RTN4RL1: variants seen among roughly 807,000 people sequenced by gnomAD.
RTN4RL1 encodes the protein reticulon-4 receptor-like 1.
RTN4RL1 carries 7 observed loss-of-function variants against 25.6 expected under a neutral mutation model. The ratio of observed to expected loss-of-function variants is 0.27; its 90% confidence interval spans 0.16 to 0.51. The LOEUF (loss-of-function observed/expected upper bound fraction) is 0.51. Ranked by LOEUF, RTN4RL1 falls within the 20% of genes least tolerant of loss-of-function variation. RTN4RL1 has a pLI of 0.97. For missense variants in RTN4RL1, 500 were observed against 615.6 expected, an observed-to-expected ratio of 0.81 and a Z score of 1.99; for synonymous variants, 297 against 288.2, an observed-to-expected ratio of 1.03 and a Z score of -0.31.
At chr17:1,957,891 G>C (rs1174347666) in intron 1 of RTN4RL1, among the ~76,000 whole-genome samples, 1 of 124,992 alleles carries the variant, frequency 8.0e-6, no homozygotes. Context: ...CAAACAAAGT[G>C]AGATGGTGGG....
chr17:1,987,781 C>T (rs928094837), intron 1 of RTN4RL1, among the ~76,000 whole-genome samples: 4 of 151,570 alleles, frequency 2.6e-5, no homozygotes, highest in South Asian at 2.1e-4. Context: ...ACTTTCCACA[C>T]ATTATCCCAC....
chr17:1,976,838 A>T (rs2066844536), intron 1 of RTN4RL1, among the ~76,000 whole-genome samples: 1 of 152,192 alleles, frequency 6.6e-6, no homozygotes, highest in Non-Finnish European at 1.5e-5. Context: ...CTTGTCATTT[A>T]GTGGCTATTT....
At chr17:1,951,782 A>G (rs879511793) in intron 1 of RTN4RL1, among the ~76,000 whole-genome samples, 22 of 152,142 alleles carry the variant, frequency 1.4e-4, no homozygotes, top group Admixed American at 4.6e-4. Flanking sequence ...AGGAAGAGGG[A>G]TAATCAACTG....
At chr17:1,975,768 C>A (rs2066840272) in intron 1 of RTN4RL1, among the ~76,000 whole-genome samples, 1 of 152,212 alleles carries the variant, frequency 6.6e-6, no homozygotes, top group Non-Finnish European at 1.5e-5. Context: ...CTGAACCCTG[C>A]ACCATTTGCA....
chr17:1,948,195 C>T (rs1361429225), intron 1 of RTN4RL1, among the ~76,000 whole-genome samples: 3 of 152,228 alleles, frequency 2.0e-5, no homozygotes, highest in Non-Finnish European at 2.9e-5. Flanking sequence ...GCGCACTGAC[C>T]TCTCTACTGG....
intron 1 of RTN4RL1, among the ~76,000 whole-genome samples, chr17:1,975,685 G>C (rs764356901): frequency 3.9e-5 from 6 of 152,010 alleles, no homozygotes; most frequent in African/African-American, 7.2e-5. Flanking sequence ...AAAATAGAAA[G>C]CTTTGGTGGA....
chr17:1,969,467 T>C (rs566841429), intron 1 of RTN4RL1, among the ~76,000 whole-genome samples: 1 of 152,154 alleles, frequency 6.6e-6, no homozygotes, highest in African/African-American at 2.4e-5. Flanking sequence ...TCCCCACTTC[T>C]AACTTCAGAC....
intron 1 of RTN4RL1, among the ~76,000 whole-genome samples, chr17:1,985,155 A>C (rs1405190545): frequency 1.3e-5 from 2 of 152,182 alleles, no homozygotes; most frequent in African/African-American, 4.8e-5. Context: ...ACTTCCAGGA[A>C]GGTGTTTGGC....
chr17:2,015,490 T>C (rs1011847898), intron 1 of RTN4RL1, among the ~76,000 whole-genome samples: 25 of 151,830 alleles, frequency 1.6e-4, no homozygotes, highest in East Asian at 2.0e-4. Context: ...AGGTGCCACA[T>C]TGGAGAGGTG....
chr17:2,020,616 C>T (rs1474992046), intron 1 of RTN4RL1: 3 of 152,174 alleles, frequency 2.0e-5, no homozygotes, highest in East Asian at 3.8e-4. Context: ...ATCTAGCTCT[C>T]GCTGAATTAT....
At chr17:2,006,609 C>T (rs893004497) in intron 1 of RTN4RL1, among the ~76,000 whole-genome samples, 1 of 147,210 alleles carries the variant, frequency 6.8e-6, no homozygotes, top group Non-Finnish European at 1.5e-5. Flanking sequence ...TGAGCCACCA[C>T]GCCTGGCCAA....
intron 1 of RTN4RL1, among the ~76,000 whole-genome samples, chr17:1,961,246 A>G (rs1403687116): frequency 2.6e-5 from 4 of 152,198 alleles, no homozygotes; most frequent in East Asian, 1.9e-4. Flanking sequence ...AGGAGTAACC[A>G]GGAAAAGTCA....
intron 1 of RTN4RL1, among the ~76,000 whole-genome samples, chr17:2,007,337 A>AAC (rs34669886): frequency 0.039 from 5,460 of 140,204 alleles, 114 homozygotes; most frequent in African/African-American, 0.053. Context: ...TCACAGCCCC[A>AAC]ACACACACAC....
At position 1,979,771 on chromosome 17, in the gene RTN4RL1, T is replaced by G. The variant is rs530135987; in HGVS notation, c.14-41963A>C. Among the ~76,000 whole-genome samples the G allele has an allele frequency of 4.6e-5, 7 of 152,312 alleles. No homozygotes were observed. The South Asian group carries it at 1.0e-3, about 23-fold the overall frequency. ...CAGCCAAGTCCAGCCCTTTGCCCAG[T>G]AGGGTGGCCCTTCTCTTTGGAGAGC... On this transcript the variant is annotated intron_variant, in intron 1 of 1. Transcript: ENST00000331238.
At chr17:1,954,900 G>A (rs1377284672) in intron 1 of RTN4RL1, among the ~76,000 whole-genome samples, 1 of 152,190 alleles carries the variant, frequency 6.6e-6, no homozygotes, top group Non-Finnish European at 1.5e-5. Context: ...GACGACCCCA[G>A]GGTAGGTAAC....
chr17:2,008,399 T>C (rs544400534), intron 1 of RTN4RL1, among the ~76,000 whole-genome samples: 242 of 152,182 alleles, frequency 1.6e-3, no homozygotes, highest in African/African-American at 5.7e-3. Flanking sequence ...ATACTGTTAA[T>C]TAAACGAGAC....
chr17:1,964,097 G>T (rs1323793390), intron 1 of RTN4RL1, among the ~76,000 whole-genome samples: 1 of 152,144 alleles, frequency 6.6e-6, no homozygotes, highest in Admixed American at 6.6e-5. Context: ...GCGTTCTGGG[G>T]TCTCAAGCCT....
intron 1 of RTN4RL1, among the ~76,000 whole-genome samples, chr17:1,942,029 C>T (rs1915448235): frequency 6.6e-6 from 1 of 152,160 alleles, no homozygotes; most frequent in Admixed American, 6.5e-5. Context: ...AGGGATCAGA[C>T]TCTCTCCGGA....
At chr17:1,951,968 A>C (rs1397343027) in intron 1 of RTN4RL1, among the ~76,000 whole-genome samples, 1 of 152,150 alleles carries the variant, frequency 6.6e-6, no homozygotes, top group Non-Finnish European at 1.5e-5. Flanking sequence ...GGTGGTGCTG[A>C]AATCACGAGG....
Sources: allele counts gnomAD v4.1 joint callset (sites outside exome capture counted in the v4.1 genomes callset), GRCh38; gene constraint gnomAD v4.1.1; transcripts MANE v1.5; gene names NCBI Gene and HGNC (gene_info 2026-07-23, HGNC 2026-07-21).